NPLOC4: variants seen among roughly 807,000 people sequenced by gnomAD.
The protein encoded by NPLOC4 is NPL4 homolog, ubiquitin recognition factor.
A neutral mutation model predicts 80.6 loss-of-function variants in NPLOC4; 18 were observed. That is an observed-to-expected ratio of 0.22 (90% CI 0.15 to 0.33). The LOEUF (loss-of-function observed/expected upper bound fraction) is 0.33, where lower values mean the gene tolerates loss of function less well. NPLOC4 is among the 10% of genes least tolerant of loss of function. NPLOC4 has a pLI of 1.00. For synonymous variants in NPLOC4, 313 were observed against 301.5 expected (o/e 1.04, Z -0.39); for missense variants, 540 against 786.1 (o/e 0.69, Z 3.74).
rs559707980 is a variant in NPLOC4 at position 81,559,723 on chromosome 17, C to G, written c.1670-307G>C. Among the ~76,000 whole-genome samples, 571 of 141,718 alleles carry G rather than the reference C, an allele frequency of 4.0e-3. 6 individuals carry two copies. The highest frequency in any genetic ancestry group is 7.1e-3 in the Non-Finnish European group (471 of 66,276). The allele number at this position is 141,718 out of a possible 152,430, so 93.0% of individuals were successfully genotyped here. Reference sequence around the variant, plus strand: ...CGGGGGATGTGCATTTGGGTTGTTTCCAGCTTTTTTTTTTTTTTTTTTTTT... The same window carrying G: ...CGGGGGATGTGCATTTGGGTTGTTTGCAGCTTTTTTTTTTTTTTTTTTTTT... On this transcript the variant is annotated intron_variant, in intron 16 of 16. Coordinates refer to ENST00000331134, the MANE Select transcript of NPLOC4 (RefSeq NM_017921.4).
At chr17:81,608,453 G>C (rs2035260725) in intron 6 of NPLOC4, among the ~76,000 whole-genome samples, 1 of 152,186 alleles carries the variant, frequency 6.6e-6, no homozygotes, top group Non-Finnish European at 1.5e-5. Context: ...GCTCACACCT[G>C]TAATCCAGCA....
At chr17:81,574,995 T>C (rs1453438677) in intron 12 of NPLOC4, among the ~76,000 whole-genome samples, 1 of 152,182 alleles carries the variant, frequency 6.6e-6, no homozygotes, top group Non-Finnish European at 1.5e-5. Context: ...AATGAAATCC[T>C]GAATGTGCTG....
intron 13 of NPLOC4, among the ~76,000 whole-genome samples, chr17:81,571,568 A>G (rs2034161567): frequency 6.6e-6 from 1 of 152,184 alleles, no homozygotes; most frequent in Non-Finnish European, 1.5e-5. Context: ...GGGCTGTGGC[A>G]GCTGTGCTGG....
Position 81,604,445 on chromosome 17 carries a change from G to A in NPLOC4, c.834+103C>T, listed in dbSNP as rs2035144526. 3.8e-6 allele frequency: 4 copies of A among 1,044,160 alleles called. No homozygotes were observed. The Admixed American group carries it at 8.9e-5, about 23-fold the overall frequency. 64.7% of individuals were successfully genotyped at this position (1,044,160 alleles called of 1,614,324 possible). A position where few individuals can be genotyped will look rare whatever the true frequency, so the allele number is the denominator to read the frequency against. On this transcript the variant is annotated intron_variant, in intron 8 of 16. Coordinates refer to ENST00000331134, the MANE Select transcript of NPLOC4 (RefSeq NM_017921.4). ...GCACGTGCACCGGTGTGTGACAAAG[G>A]GGGAACAAACAACAAAGCGAACAGG...
Position 81,589,393 on chromosome 17 carries a change from G to C in NPLOC4, c.1121-289C>G, listed in dbSNP as rs1241005154. 2.0e-5 allele frequency among the ~76,000 whole-genome samples: 3 copies of C among 152,098 alleles called. No homozygotes were observed. In the East Asian group the frequency reaches 5.8e-4, roughly 29 times the overall value. ...AAAATAAAAAAATTAGCTGGGTGCG[G>C]TGGCGGGCGCCTGTAGTCCCAGCTA... On this transcript the variant is annotated intron_variant, in intron 11 of 16. Coordinates refer to ENST00000331134, the MANE Select transcript of NPLOC4 (RefSeq NM_017921.4).
In NPLOC4 at chr17:81,572,710, C is replaced by T. The variant is rs73369234; in HGVS notation, c.1282-622G>A. Among the ~76,000 whole-genome samples the T allele has an allele frequency of 3.3e-5, 5 of 152,198 alleles. No individual in the cohort carries two copies. The highest frequency in any genetic ancestry group is 6.5e-5 in the Admixed American group (1 of 15,278). On this transcript the variant is annotated intron_variant, in intron 12 of 16. Transcript: ENST00000331134. This position sits in a 1 kb window ranked among gnomAD's most constrained non-coding sequence, Gnocchi z 4.5. Reference sequence around the variant, plus strand: ...TGGCGCTTGGCCTGGCACTCAGGCGCGATCTGCGACAGGCAGAAGGGTCTG... The same window carrying T: ...TGGCGCTTGGCCTGGCACTCAGGCGTGATCTGCGACAGGCAGAAGGGTCTG...
intron 3 of NPLOC4, among the ~76,000 whole-genome samples, chr17:81,616,304 T>C (rs7503853): frequency 0.11 from 10,100 of 95,744 alleles, 464 homozygotes; most frequent in Middle Eastern, 0.29. Context: ...CTGGGCGACA[T>C]AGCAAGACTC....
chr17:81,564,062 CAG>C (rs1190705168), intron 16 of NPLOC4: 5 of 356,552 alleles, frequency 1.4e-5, no homozygotes, highest in Non-Finnish European at 2.2e-5. Context: ...GCCTGGGAGA[CAG>C]GGTGAGGCTC....
Position 81,580,544 on chromosome 17 carries a change from T to G in NPLOC4, c.1281+8400A>C, listed in dbSNP as rs1313723902. On this transcript the variant is annotated intron_variant, in intron 12 of 16. Transcript: ENST00000331134. The surrounding 1 kb of genome is among the most constrained non-coding windows in gnomAD (Gnocchi z 4.4). ...CTACCCCAGCAGGCCACCCTGCTTA[T>G]CACTCTCTGTGTGGGGAACAGGCTG... Among the ~76,000 whole-genome samples, 2 of 152,102 alleles carry G rather than the reference T, an allele frequency of 1.3e-5. No homozygotes were observed. Among genetic ancestry groups the G allele is most frequent in the African/African-American group, 2.4e-5 (1 of 41,418 alleles).
At chr17:81,598,568 C>A (rs763728210) in intron 9 of NPLOC4, among the ~76,000 whole-genome samples, 21 of 152,210 alleles carry the variant, frequency 1.4e-4, no homozygotes, top group Admixed American at 3.3e-4. Context: ...AGCTCCACCT[C>A]AAGGCCGGAA....
At position 81,570,255 on chromosome 17, in the gene NPLOC4, T is replaced by C. The variant is rs1253086414; in HGVS notation, c.1354-1144A>G. 2.0e-5 allele frequency among the ~76,000 whole-genome samples: 3 copies of C among 152,240 alleles called. No individual in the cohort carries two copies. The East Asian group carries it at 5.8e-4, about 29-fold the overall frequency. ...ACATGGCCTCGTCAGTTAGGGATCCTGGGCCTCACTTTACTCTTCCTCAGG... is the reference window on the plus strand; with the variant it reads ...ACATGGCCTCGTCAGTTAGGGATCCCGGGCCTCACTTTACTCTTCCTCAGG... On this transcript the variant is annotated intron_variant, in intron 13 of 16. Transcript: ENST00000331134.
chr17:81,603,890 A>C (rs1423525491), intron 8 of NPLOC4, among the ~76,000 whole-genome samples: 3 of 152,216 alleles, frequency 2.0e-5, no homozygotes, highest in Non-Finnish European at 4.4e-5. Context: ...ACATCATTAT[A>C]CATAATTACA....
At chr17:81,625,064 G>A (rs951769275) in intron 2 of NPLOC4, among the ~76,000 whole-genome samples, 1 of 152,224 alleles carries the variant, frequency 6.6e-6, no homozygotes, top group Non-Finnish European at 1.5e-5. Flanking sequence ...GACAGGGGAT[G>A]AGATGGGACA....
intron 12 of NPLOC4, among the ~76,000 whole-genome samples, chr17:81,578,460 G>A (rs535618182): frequency 5.3e-5 from 8 of 152,264 alleles, no homozygotes; most frequent in Admixed American, 3.9e-4. Flanking sequence ...ACAGATAAAC[G>A]GTACGACTGG....
intron 1 of NPLOC4, among the ~76,000 whole-genome samples, chr17:81,631,592 C>G (rs1248421816): frequency 6.6e-6 from 1 of 151,904 alleles, no homozygotes; most frequent in Non-Finnish European, 1.5e-5. Context: ...GCCTGGCCAA[C>G]AGCACAGGCC....
chr17:81,632,051 C>G (rs964251885), intron 1 of NPLOC4, among the ~76,000 whole-genome samples: 3 of 152,096 alleles, frequency 2.0e-5, no homozygotes, highest in African/African-American at 7.2e-5. Context: ...CCTCCACTCA[C>G]TGCAACCTCC....
At chr17:81,619,894 G>T (rs1439593782) in intron 3 of NPLOC4, among the ~76,000 whole-genome samples, 2 of 151,580 alleles carry the variant, frequency 1.3e-5, no homozygotes, top group East Asian at 1.9e-4. Context: ...AAAAAAAAAG[G>T]TGGGGGTACA....
At chr17:81,615,529 A>G (rs1190050944) in intron 3 of NPLOC4, among the ~76,000 whole-genome samples, 2 of 152,220 alleles carry the variant, frequency 1.3e-5, no homozygotes, top group Non-Finnish European at 2.9e-5. Flanking sequence ...AGCTCTAAAG[A>G]AAGTAGAGGA....
chr17:81,559,606 C>T (rs189755769), intron 16 of NPLOC4, among the ~76,000 whole-genome samples, 190 bp from the exon 17 acceptor site: 2 of 152,288 alleles, frequency 1.3e-5, no homozygotes, highest in East Asian at 3.9e-4. Flanking sequence ...CAGAAAAATG[C>T]CTCCTGCACC....
Sources: gnomAD v4.1 joint callset for allele counts (sites outside exome capture counted in the v4.1 genomes callset) on GRCh38, gnomAD v4.1.1 for gene constraint, Gnocchi (gnomAD v3.1) non-coding constraint, MANE v1.5 for transcripts, NCBI Gene and HGNC (gene_info 2026-07-23, HGNC 2026-07-21) for gene names.